CNBD1: variants seen among roughly 807,000 people sequenced by gnomAD.
CNBD1 encodes cyclic nucleotide binding domain containing 1.
A neutral mutation model predicts 54.4 loss-of-function variants in CNBD1; 71 were observed. The ratio of observed to expected loss-of-function variants is 1.30; its 90% CI spans 1.08 to 1.59. CNBD1 has a LOEUF of 1.59. Among genes scored for constraint, CNBD1 ranks in the 40% most tolerant of loss-of-function variants. The pLI is 0.00. For missense variants in CNBD1, 659 were observed against 518.0 expected, an observed-to-expected ratio of 1.27 and a Z score of -2.64; for synonymous variants, 182 against 170.7, an observed-to-expected ratio of 1.07 and a Z score of -0.51.
At chr8:87,238,091 C>T (rs372458725) in intron 6 of CNBD1, among the ~76,000 whole-genome samples, 55 of 151,620 alleles carry the variant, frequency 3.6e-4, no homozygotes, top group African/African-American at 1.2e-3. Flanking sequence ...TGTTCAAACT[C>T]ATGTATTAAA....
intron 5 of CNBD1, among the ~76,000 whole-genome samples, chr8:87,227,218 T>G (rs1814521555): frequency 6.6e-6 from 1 of 152,032 alleles, no homozygotes; most frequent in Non-Finnish European, 1.5e-5. Context: ...TGTCTTTTAA[T>G]TGGAGCATTT....
Position 87,427,414 on chromosome 8 carries a change from G to C in CNBD1, c.214-1132G>C, listed in dbSNP as rs138384790. On this transcript the variant is annotated intron_variant, in intron 2 of 7. Transcript: ENST00000521593. The stretch of plus-strand genomic sequence containing the variant: ...TTATTCAGTAGGCTGTATAAGATGG[G>C]CTAATAGGTTTACCGATATGTAGTC... Among the ~76,000 whole-genome samples, 202 of 152,068 alleles carry C rather than the reference G, an allele frequency of 1.3e-3. 5 individuals are homozygous for C. In the East Asian group the frequency reaches 0.025, roughly 19 times the overall value.
intron 4 of CNBD1, among the ~76,000 whole-genome samples, chr8:87,187,347 T>C (rs1258010612): frequency 6.6e-6 from 1 of 152,102 alleles, no homozygotes; most frequent in Non-Finnish European, 1.5e-5. Flanking sequence ...CCATAAATGA[T>C]GGAAGAATAA....
At chr8:87,274,869 T>G (rs1386207362) in intron 6 of CNBD1, among the ~76,000 whole-genome samples, 1 of 129,986 alleles carries the variant, frequency 7.7e-6, no homozygotes, top group African/African-American at 3.1e-5. Flanking sequence ...AATGGTAATT[T>G]TAGCCTAGGT....
At chr8:86,886,994 A>T in intron 1 of CNBD1, among the ~76,000 whole-genome samples, 1 of 151,956 alleles carries the variant, frequency 6.6e-6, no homozygotes, top group Non-Finnish European at 1.5e-5. Flanking sequence ...GCTCTTAAAG[A>T]CTCCTTTATG....
chr8:87,227,583 G>C (rs1292601778), intron 5 of CNBD1, among the ~76,000 whole-genome samples: 3 of 119,404 alleles, frequency 2.5e-5, no homozygotes, highest in African/African-American at 1.1e-4. Flanking sequence ...CTCTCTTCTG[G>C]CTTGTAGGGT....
intron 4 of CNBD1, among the ~76,000 whole-genome samples, chr8:87,199,700 T>C (rs1563504884): frequency 6.6e-6 from 1 of 152,180 alleles, no homozygotes; most frequent in Non-Finnish European, 1.5e-5. Context: ...TTCCTTCTCC[T>C]CACAAGATTC....
chr8:86,960,110 G>A (rs1807888996), intron 4 of CNBD1, among the ~76,000 whole-genome samples: 1 of 152,156 alleles, frequency 6.6e-6, no homozygotes, highest in African/African-American at 2.4e-5. Context: ...TCCAACTGAG[G>A]TACCAGGTTC....
intron 6 of CNBD1, among the ~76,000 whole-genome samples, chr8:87,248,571 C>A (rs1272329667): frequency 6.6e-6 from 1 of 152,198 alleles, no homozygotes; most frequent in Non-Finnish European, 1.5e-5. Flanking sequence ...GGAGAAGCAG[C>A]TTTGAAGGTC....
intron 4 of CNBD1, among the ~76,000 whole-genome samples, chr8:87,038,079 G>A (rs1023932504): frequency 2.0e-5 from 3 of 152,130 alleles, no homozygotes; most frequent in African/African-American, 7.2e-5. Context: ...TTAAATCTCT[G>A]TCTTCAGTAA....
downstream of CNBD1, among the ~76,000 whole-genome samples, chr8:87,387,198 T>A (rs552105242): frequency 1.3e-5 from 2 of 152,130 alleles, no homozygotes; most frequent in Non-Finnish European, 2.9e-5. Flanking sequence ...CTGCATCAAC[T>A]AATGAGCAAA....
At chr8:87,129,336 T>C (rs1937534058) in intron 4 of CNBD1, among the ~76,000 whole-genome samples, 1 of 152,068 alleles carries the variant, frequency 6.6e-6, no homozygotes, top group Non-Finnish European at 1.5e-5. Flanking sequence ...CAAGTTACAT[T>C]TCATCTATAT....
chr8:86,964,397 A>G (rs1414051131), intron 4 of CNBD1, among the ~76,000 whole-genome samples: 1 of 152,178 alleles, frequency 6.6e-6, no homozygotes, highest in Non-Finnish European at 1.5e-5. Context: ...GGTCCTATAT[A>G]AGATGTAAAG....
At chr8:87,271,117 T>C (rs1173800016) in intron 6 of CNBD1, among the ~76,000 whole-genome samples, 2 of 151,882 alleles carry the variant, frequency 1.3e-5, no homozygotes, top group Non-Finnish European at 2.9e-5. Context: ...TCAGTTGTTA[T>C]GTCTCCTTTT....
chr8:86,985,758 C>A (rs1476364217), intron 4 of CNBD1, among the ~76,000 whole-genome samples: 1 of 152,128 alleles, frequency 6.6e-6, no homozygotes, highest in Non-Finnish European at 1.5e-5. Flanking sequence ...CCTTTAAGTT[C>A]TTTGAGATAT....
chr8:86,990,323 G>A (rs1483905067), intron 4 of CNBD1, among the ~76,000 whole-genome samples: 1 of 152,092 alleles, frequency 6.6e-6, no homozygotes, highest in Non-Finnish European at 1.5e-5. Context: ...TAGTTCCATG[G>A]TTTATGTTCT....
intron 8 of CNBD1, 115 bp from the exon 9 acceptor site, chr8:87,351,570 G>A (rs1355686109): frequency 5.0e-6 from 5 of 992,208 alleles, no homozygotes; most frequent in Non-Finnish European, 6.9e-6. Context: ...AATCTATTAA[G>A]AAACTTACTA....
intron 6 of CNBD1, among the ~76,000 whole-genome samples, chr8:87,267,957 T>A (rs574440882): frequency 6.6e-6 from 1 of 152,310 alleles, no homozygotes; most frequent in African/African-American, 2.4e-5. Flanking sequence ...AGTAGTATTC[T>A]GTTTGCTTAT....
chr8:87,423,857 G>A (rs575674655), intron 2 of CNBD1, among the ~76,000 whole-genome samples: 2 of 152,208 alleles, frequency 1.3e-5, no homozygotes, highest in Admixed American at 6.5e-5. Context: ...AATGGTACCA[G>A]TTCCTCCTTG....
Sources: allele counts gnomAD v4.1 joint callset (sites outside exome capture counted in the v4.1 genomes callset), GRCh38; gene constraint gnomAD v4.1.1; transcripts MANE v1.5; gene names NCBI Gene and HGNC (gene_info 2026-07-23, HGNC 2026-07-21).